Variants in GRIK2 observed in about 807,000 individuals in gnomAD.
GRIK2 encodes the protein glutamate ionotropic receptor kainate type subunit 2.
Under a neutral mutation model 100.3 loss-of-function variants are expected in GRIK2, and 32 were observed. That is an observed-to-expected ratio of 0.32 (90% CI 0.24 to 0.43). The LOEUF (loss-of-function observed/expected upper bound fraction) is 0.43, where lower values mean the gene tolerates loss of function less well. Ranked by LOEUF, GRIK2 falls within the 20% of genes least tolerant of loss-of-function variation. GRIK2 has a pLI of 1.00. For missense variants in GRIK2, 843 were observed against 1,114.9 expected, an observed-to-expected ratio of 0.76 and a Z score of 3.47; for synonymous variants, 417 against 389.4, an observed-to-expected ratio of 1.07 and a Z score of -0.83.
At chr6:101,579,208 G>C (rs1451035738) in intron 2 of GRIK2, among the ~76,000 whole-genome samples, 1 of 152,072 alleles carries the variant, frequency 6.6e-6, no homozygotes, top group Non-Finnish European at 1.5e-5. Flanking sequence ...AGAACTGAGA[G>C]TCAAAGAAAT....
chr6:101,791,671 A>C (rs1298935759), intron 7 of GRIK2, among the ~76,000 whole-genome samples: 1 of 152,002 alleles, frequency 6.6e-6, no homozygotes, highest in Non-Finnish European at 1.5e-5. Flanking sequence ...GTGCTGAAAA[A>C]ATGTATATTC....
At chr6:101,911,261 C>T (rs1198438758) in intron 12 of GRIK2, among the ~76,000 whole-genome samples, 1 of 151,454 alleles carries the variant, frequency 6.6e-6, no homozygotes, top group African/African-American at 2.4e-5. Context: ...GTAGCCTCCC[C>T]AGCAATATGA....
intron 2 of GRIK2, among the ~76,000 whole-genome samples, chr6:101,608,093 G>A (rs2128312279): frequency 6.6e-6 from 1 of 151,890 alleles, no homozygotes; most frequent in South Asian, 2.1e-4. Flanking sequence ...TACAAATAAT[G>A]TAGCAATTTT....
rs553800320 is a variant in GRIK2 at position 101,793,836 on chromosome 6, A to G, written c.952-5812A>G. 4.1e-4 allele frequency among the ~76,000 whole-genome samples: 62 copies of G among 152,070 alleles called. No individual in the cohort carries two copies. The South Asian group carries it at 0.011, about 26-fold the overall frequency. Reference sequence around the variant, plus strand: ...AGGTGGAGCCTACAGAGGCAGGCAGACCTCCTTGAGCTGTGGTGGGCTCCA... The same window carrying G: ...AGGTGGAGCCTACAGAGGCAGGCAGGCCTCCTTGAGCTGTGGTGGGCTCCA... On this transcript the variant is annotated intron_variant, in intron 7 of 16. Coordinates refer to ENST00000369134, the MANE Select transcript of GRIK2 (RefSeq NM_021956.5).
intron 7 of GRIK2, among the ~76,000 whole-genome samples, chr6:101,790,091 T>G (rs181029088): frequency 1.1e-3 from 161 of 152,352 alleles, no homozygotes; most frequent in African/African-American, 3.7e-3. Flanking sequence ...GCTTAACAGC[T>G]TAAGGAGATA....
At chr6:101,429,563 C>A (rs1188647751) in intron 2 of GRIK2, among the ~76,000 whole-genome samples, 2 of 152,082 alleles carry the variant, frequency 1.3e-5, no homozygotes, top group African/African-American at 4.8e-5. Context: ...TAATTAACAT[C>A]TTTTCTCTCA....
chr6:101,778,037 A>G (rs1778858791), intron 7 of GRIK2, among the ~76,000 whole-genome samples: 1 of 152,186 alleles, frequency 6.6e-6, no homozygotes, highest in Non-Finnish European at 1.5e-5. Context: ...TTATGGTTGA[A>G]TTCATCCATT....
At chr6:101,656,711 A>G (rs1051000287) in intron 4 of GRIK2, among the ~76,000 whole-genome samples, 1 of 152,210 alleles carries the variant, frequency 6.6e-6, no homozygotes, top group African/African-American at 2.4e-5. Flanking sequence ...TTAAGGCTGT[A>G]TTACATCTTT....
At chr6:102,013,289 C>T (rs1795646245) in intron 14 of GRIK2, among the ~76,000 whole-genome samples, 1 of 152,096 alleles carries the variant, frequency 6.6e-6, no homozygotes. Flanking sequence ...GTTTTTGTAA[C>T]TGAAACCTTG....
chr6:101,655,553 C>T (rs1782015594), intron 4 of GRIK2, among the ~76,000 whole-genome samples: 1 of 152,116 alleles, frequency 6.6e-6, no homozygotes, highest in Middle Eastern at 3.2e-3. Context: ...GAAAAAAAAC[C>T]ACTTCCTCGT....
chr6:101,414,426 A>T (rs1168764340), intron 2 of GRIK2, among the ~76,000 whole-genome samples: 3 of 152,284 alleles, frequency 2.0e-5, no homozygotes, highest in Middle Eastern at 3.4e-3. Context: ...AGTCCAAATT[A>T]TTTTAAGTGT....
At chr6:101,710,693 T>C (rs1773639242) in intron 7 of GRIK2, among the ~76,000 whole-genome samples, 1 of 151,852 alleles carries the variant, frequency 6.6e-6, no homozygotes, top group Non-Finnish European at 1.5e-5. Flanking sequence ...GTTTCAATCC[T>C]ACAGTTTCCT....
chr6:101,925,965 A>G (rs1016792217), intron 13 of GRIK2, among the ~76,000 whole-genome samples: 2 of 151,728 alleles, frequency 1.3e-5, no homozygotes, highest in Non-Finnish European at 2.9e-5. Flanking sequence ...TTTAATACAT[A>G]TTGTAAGCAT....
At chr6:101,537,990 T>C (rs1433274626) in intron 2 of GRIK2, among the ~76,000 whole-genome samples, 2 of 151,806 alleles carry the variant, frequency 1.3e-5, no homozygotes, top group Non-Finnish European at 2.9e-5. Context: ...CAATAAAAGC[T>C]ACAATAAAGG....
intron 10 of GRIK2, among the ~76,000 whole-genome samples, chr6:101,830,082 T>C (rs746352437): frequency 3.3e-5 from 5 of 151,998 alleles, no homozygotes; most frequent in African/African-American, 2.4e-5. Flanking sequence ...TATAGACACA[T>C]AAACCAATGT....
chr6:101,889,688 A>C lies in GRIK2; in HGVS notation c.1573A>C (p.Lys525Gln), dbSNP rs917821740. 6.2e-7 allele frequency: 1 copy of C among 1,611,278 alleles called. No individual in the cohort carries two copies. Among genetic ancestry groups the C allele is most frequent in the African/African-American group, 1.3e-5 (1 of 74,140 alleles). The change falls in exon 12 of 17, where the codon AAG (lysine) becomes CAG (glutamine). Residue 525 changes from lysine to glutamine, a missense_variant. Transcript: ENST00000369134. ...ACTGGCTATTACCTATGTTCGAGAG[A>C]AGGTCATCGACTTTTCCAAGCCCTT... ...APLAITYVRE[K>Q]VIDFSKPFMT...
intron 2 of GRIK2, among the ~76,000 whole-genome samples, chr6:101,613,694 C>T (rs898270990): frequency 6.7e-6 from 1 of 149,906 alleles, no homozygotes; most frequent in African/African-American, 2.4e-5. Flanking sequence ...GCCACTCTCT[C>T]ATAATTTGCT....
intron 15 of GRIK2, among the ~76,000 whole-genome samples, chr6:102,036,488 C>T (rs1021960469): frequency 4.0e-5 from 6 of 151,058 alleles, no homozygotes; most frequent in African/African-American, 7.3e-5. Flanking sequence ...TAACCAGGTG[C>T]GTCCAATGTA....
chr6:101,547,884 G>A (rs1420649538), intron 2 of GRIK2, among the ~76,000 whole-genome samples: 4 of 152,104 alleles, frequency 2.6e-5, no homozygotes, highest in Non-Finnish European at 5.9e-5. Context: ...AGATCCCTGA[G>A]GAATTGCCAC....
Sources: allele counts gnomAD v4.1 joint callset (sites outside exome capture counted in the v4.1 genomes callset), GRCh38; gene constraint gnomAD v4.1.1; transcripts MANE v1.5; gene names NCBI Gene and HGNC (gene_info 2026-07-23, HGNC 2026-07-21).